PDXDC1: variants seen among roughly 807,000 people sequenced by gnomAD.
PDXDC1 encodes the protein pyridoxal-dependent decarboxylase domain-containing protein 1.
PDXDC1 carries 42 observed loss-of-function variants against 100.1 expected under a neutral mutation model. The ratio of observed to expected loss-of-function variants is 0.42; its 90% CI spans 0.33 to 0.54. PDXDC1 has a LOEUF of 0.54. Ranked by LOEUF, PDXDC1 falls within the 20% of genes least tolerant of loss-of-function variation. The pLI, the probability that PDXDC1 is intolerant of heterozygous loss-of-function variation, is 0.10. For missense variants in PDXDC1, 636 were observed against 979.2 expected, an observed-to-expected ratio of 0.65 and a Z score of 4.68; for synonymous variants, 260 against 371.7, an observed-to-expected ratio of 0.70 and a Z score of 3.46.
chr16:15,041,457 C>G (rs1039827949), downstream of PDXDC1, among the ~76,000 whole-genome samples: 1 of 151,930 alleles, frequency 6.6e-6, no homozygotes, highest in African/African-American at 2.4e-5. Flanking sequence ...AGATGGTGGA[C>G]GAGGGCAAGG....
chr16:15,054,532 C>T (rs954789543), intron 16 of PDXDC1, among the ~76,000 whole-genome samples: 3 of 152,212 alleles, frequency 2.0e-5, no homozygotes, highest in African/African-American at 7.2e-5. Flanking sequence ...GACAGTAACA[C>T]AACGCAAGGA....
intron 1 of PDXDC1, among the ~76,000 whole-genome samples, chr16:14,996,533 G>A (rs1395350003): frequency 6.6e-6 from 1 of 152,256 alleles, no homozygotes; most frequent in African/African-American, 2.4e-5. Context: ...CATAACTACA[G>A]AGATTAAGAA....
At chr16:15,130,559 C>T in intron 16 of PDXDC1, 3 of 1,384,024 alleles carry the variant, frequency 2.2e-6, no homozygotes, top group Admixed American at 1.7e-5. Flanking sequence ...CTGCCGTCCC[C>T]ACAGGGCCTG....
chr16:15,034,352 G>A lies in PDXDC1; in HGVS notation c.1879G>A (p.Ala627Thr). 1 of 1,613,508 alleles carries A rather than the reference G, an allele frequency of 6.2e-7. No homozygotes were observed. The highest frequency in any genetic ancestry group is 8.5e-7 in the Non-Finnish European group (1 of 1,179,994). The change falls in exon 20 of 23, where the codon GCA (alanine) becomes ACA (threonine). Residue 627 changes from alanine (A) to threonine (T), a missense_variant. Transcript: ENST00000396410. ...IQEAQVELQK[A>T]SEERLLEEGV... is the part of the protein sequence containing the mutation. ...GGAAGCTCAAGTGGAGCTGCAGAAG[G>A]CAAGTGAAGAACGGCTTCTGGAAGA...
At chr16:15,099,403 G>C (rs2046465412) in intron 16 of PDXDC1, among the ~76,000 whole-genome samples, 1 of 110,874 alleles carries the variant, frequency 9.0e-6, no homozygotes, top group Non-Finnish European at 1.7e-5. Flanking sequence ...CTGGGCAACA[G>C]AGCAAGACTT....
At chr16:15,129,794 C>G in intron 16 of PDXDC1, 1 of 705,986 alleles carries the variant, frequency 1.4e-6, no homozygotes, top group South Asian at 1.5e-5. Context: ...CTTGTTCTGA[C>G]GTCTGCGATG....
At chr16:15,038,721 G>C, downstream of PDXDC1, 1 of 1,208,450 alleles carries the variant, frequency 8.3e-7, no homozygotes, top group South Asian at 1.3e-5. Context: ...AGAATTTCAG[G>C]AATGTCACCC....
At chr16:15,028,461 A>G (rs1331673345) in intron 14 of PDXDC1, among the ~76,000 whole-genome samples, 1 of 152,296 alleles carries the variant, frequency 6.6e-6, no homozygotes, top group African/African-American at 2.4e-5. Context: ...TGTAAGCTCC[A>G]AGATGACAGA....
intron 16 of PDXDC1, chr16:15,063,121 G>A (rs1176694507): frequency 3.5e-5 from 40 of 1,142,140 alleles, no homozygotes; most frequent in Non-Finnish European, 5.1e-5. Flanking sequence ...CGAACGACTT[G>A]CCACTTACTA....
downstream of PDXDC1, among the ~76,000 whole-genome samples, chr16:15,143,975 G>A (rs1429953639): frequency 1.3e-5 from 2 of 152,190 alleles, no homozygotes; most frequent in East Asian, 1.9e-4. Flanking sequence ...AAACTGGGCT[G>A]GGGGGACCGG....
chr16:15,094,338 A>G (rs1439217597), intron 16 of PDXDC1: 8 of 1,074,206 alleles, frequency 7.4e-6, no homozygotes, highest in African/African-American at 1.6e-5. Context: ...CCTTCAGCCA[A>G]TCAGCGGCCC....
At chr16:15,030,576 A>C (rs1382547490) in intron 16 of PDXDC1, among the ~76,000 whole-genome samples, 1 of 139,354 alleles carries the variant, frequency 7.2e-6, no homozygotes, top group East Asian at 2.1e-4. Context: ...AAAAGTCATC[A>C]CATGAATTCC....
intron 16 of PDXDC1, among the ~76,000 whole-genome samples, chr16:15,074,523 A>T (rs761267786): frequency 3.3e-5 from 5 of 152,254 alleles, no homozygotes; most frequent in African/African-American, 9.6e-5. Context: ...GAAGACAAAT[A>T]TAACTCAGCC....
intron 1 of PDXDC1, among the ~76,000 whole-genome samples, chr16:14,985,444 C>T (rs1288193686): frequency 1.3e-5 from 2 of 152,242 alleles, no homozygotes; most frequent in Non-Finnish European, 2.9e-5. Context: ...CCCGCCAGCA[C>T]ACCTGGCTAA....
rs768235331 is a variant in PDXDC1 at position 15,018,833 on chromosome 16, T to C, written c.964-7T>C. 1 of 1,613,966 alleles carries C rather than the reference T, an allele frequency of 6.2e-7. No individual in the cohort carries two copies. The highest frequency in any genetic ancestry group is 2.2e-5 in the East Asian group (1 of 44,888). On this transcript the variant is annotated splice_region_variant and splice_polypyrimidine_tract_variant and intron_variant, in intron 11 of 22. Transcript: ENST00000396410. ...TTTGATTAATAAACCTCTTTTGGCT[T>C]TTTTAGACTTTAGTTGCTGGTCTTA...
downstream of PDXDC1, among the ~76,000 whole-genome samples, chr16:15,042,162 T>C (rs527343801): frequency 6.6e-6 from 1 of 151,778 alleles, no homozygotes; most frequent in Non-Finnish European, 1.5e-5. Flanking sequence ...TCAGCAGAGC[T>C]GACTATAAAG....
intron 1 of PDXDC1, among the ~76,000 whole-genome samples, chr16:14,986,795 A>G (rs1969479360): frequency 1.3e-5 from 2 of 152,270 alleles, no homozygotes; most frequent in Admixed American, 1.3e-4. Flanking sequence ...TGCCCAGGCT[A>G]GAGTGCAGTG....
intron 16 of PDXDC1, among the ~76,000 whole-genome samples, chr16:15,084,259 C>T (rs1471211966): frequency 1.3e-5 from 2 of 152,016 alleles, no homozygotes; most frequent in Non-Finnish European, 2.9e-5. Context: ...AACTAGAGGT[C>T]CACCCCTCCA....
chr16:15,033,163 T>A (rs2151644823), intron 18 of PDXDC1, 115 bp from the exon 19 acceptor site: 1 of 1,218,230 alleles, frequency 8.2e-7, no homozygotes, highest in East Asian at 2.3e-5. Context: ...GCCCTTAGAA[T>A]CTCCATGGAG....
Sources: allele counts gnomAD v4.1 joint callset (sites outside exome capture counted in the v4.1 genomes callset), GRCh38; gene constraint gnomAD v4.1.1; transcripts MANE v1.5; gene names NCBI Gene and HGNC (gene_info 2026-07-23, HGNC 2026-07-21).